ASB4: variants seen among roughly 807,000 people sequenced by gnomAD.
ASB4 encodes ankyrin repeat and SOCS box containing 4.
Under a neutral mutation model 38.6 loss-of-function variants are expected in ASB4, and 35 were observed. The observed-to-expected ratio is 0.91, with a 90% CI of 0.69 to 1.20. The LOEUF (loss-of-function observed/expected upper bound fraction) is 1.20, where lower values mean the gene tolerates loss of function less well. Ranked by LOEUF, ASB4 falls within the 50% of genes most tolerant of loss-of-function variation. ASB4 has a pLI of 0.00. For synonymous variants in ASB4, 195 were observed against 201.3 expected (o/e 0.97, Z 0.26); for missense variants, 557 against 527.2 (o/e 1.06, Z -0.55).
the ASB4 span, among the ~76,000 whole-genome samples, chr7:95,548,293 T>C: frequency 1.3e-5 from 2 of 152,250 alleles, no homozygotes; most frequent in Non-Finnish European, 2.9e-5. Flanking sequence ...GTACTTTTCA[T>C]TTGTATTTCT....
chr7:95,528,007 A>G lies in ASB4; in HGVS notation c.682A>G (p.Ser228Gly), dbSNP rs1790764816. Residue 228 changes from serine (S) to glycine (G), a missense_variant, in exon 3 of 5, where the codon AGC becomes GGC. Physicochemically the swap from Ser to Gly is moderately conservative, Grantham distance 56. Transcript: ENST00000325885. ...WALRFKEQEY[S>G]TEHHLVCRML... ...CCTCCGCTTTAAGGAGCAGGAGTAC[A>G]GCACGGAGCACCACCTGGTCTGCCG... The G allele has an allele frequency of 6.2e-7, 1 of 1,614,034 alleles. No individual in the cohort carries two copies. Among genetic ancestry groups the G allele is most frequent in the Non-Finnish European group, 8.5e-7 (1 of 1,180,042 alleles).
chr7:95,548,792 A>C, the ASB4 span, among the ~76,000 whole-genome samples: 1 of 152,064 alleles, frequency 6.6e-6, no homozygotes, highest in Non-Finnish European at 1.5e-5. Flanking sequence ...TCATTTTTTA[A>C]CTCTTATTTA....
At chr7:95,502,387 C>T (rs1376372840) in intron 2 of ASB4, among the ~76,000 whole-genome samples, 3 of 38,224 alleles carry the variant, frequency 7.8e-5, no homozygotes, top group African/African-American at 2.9e-4. Context: ...TAGGTACCAG[C>T]CTGCGGGGGG....
chr7:95,532,511 G>A (rs73711345), intron 3 of ASB4, among the ~76,000 whole-genome samples: 5,528 of 152,214 alleles, frequency 0.036, 321 homozygotes, highest in African/African-American at 0.12. Context: ...AAGGTAACAC[G>A]AGGGTCTGGG....
At chr7:95,502,497 T>C (rs1790355745) in intron 2 of ASB4, among the ~76,000 whole-genome samples, 1 of 152,146 alleles carries the variant, frequency 6.6e-6, no homozygotes, top group Non-Finnish European at 1.5e-5. Flanking sequence ...GAGACCATTT[T>C]ACCCAGGGCT....
chr7:95,474,957 G>A (rs1206139128), upstream of ASB4, among the ~76,000 whole-genome samples: 1 of 152,234 alleles, frequency 6.6e-6, no homozygotes, highest in African/African-American at 2.4e-5. Context: ...TAATTAAGGA[G>A]GAGGGATTCA....
the ASB4 span, among the ~76,000 whole-genome samples, chr7:95,548,945 A>AT: frequency 6.6e-6 from 1 of 152,194 alleles, no homozygotes; most frequent in African/African-American, 2.4e-5. Context: ...AGATTATGCA[A>AT]TTGCCTAGGA....
intron 2 of ASB4, among the ~76,000 whole-genome samples, chr7:95,523,148 A>T (rs1790686356): frequency 6.6e-6 from 1 of 152,208 alleles, no homozygotes; most frequent in South Asian, 2.1e-4. Context: ...ATCAAATTTT[A>T]AACATTTTTT....
chr7:95,500,393 C>T (rs1471900101), intron 2 of ASB4, among the ~76,000 whole-genome samples: 1 of 151,480 alleles, frequency 6.6e-6, no homozygotes, highest in Non-Finnish European at 1.5e-5. Flanking sequence ...ATAGTGAGAC[C>T]ACATCTTTAC....
At chr7:95,515,235 CT>C (rs1449332717) in intron 2 of ASB4, among the ~76,000 whole-genome samples, 19 of 75,466 alleles carry the variant, frequency 2.5e-4, no homozygotes, top group South Asian at 4.8e-4. Context: ...CTTTCTTTTT[CT>C]TTCTTTCTTT....
At chr7:95,479,342 A>G (rs1169298241) in intron 1 of ASB4, among the ~76,000 whole-genome samples, 1 of 152,186 alleles carries the variant, frequency 6.6e-6, no homozygotes, top group Non-Finnish European at 1.5e-5. Flanking sequence ...CTCTCCTATA[A>G]TGCTTCACAA....
chr7:95,509,618 A>C (rs948676742), intron 2 of ASB4, among the ~76,000 whole-genome samples: 1 of 152,226 alleles, frequency 6.6e-6, no homozygotes, highest in African/African-American at 2.4e-5. Context: ...AATAAGGATA[A>C]ATGCTTAATG....
At chr7:95,520,827 T>A (rs1277662451) in intron 2 of ASB4, among the ~76,000 whole-genome samples, 1 of 152,212 alleles carries the variant, frequency 6.6e-6, no homozygotes, top group East Asian at 1.9e-4. Context: ...TCCAGTTTTC[T>A]CTTTATGCAT....
chr7:95,544,067 C>T (rs1791003730), downstream of ASB4: 1 of 151,984 alleles, frequency 6.6e-6, no homozygotes, highest in Admixed American at 6.5e-5. Flanking sequence ...ACTAATTAAC[C>T]CTCCCTTCTC....
intron 1 of ASB4, chr7:95,478,704 C>G (rs953809288): frequency 6.6e-6 from 1 of 152,162 alleles, no homozygotes; most frequent in Non-Finnish European, 1.5e-5. Flanking sequence ...ATAATTACTT[C>G]AGCATTCCAA....
At chr7:95,516,108 C>T (rs1334975654) in intron 2 of ASB4, among the ~76,000 whole-genome samples, 2 of 152,122 alleles carry the variant, frequency 1.3e-5, no homozygotes, top group Non-Finnish European at 2.9e-5. Flanking sequence ...ATCACTTTAT[C>T]CAAACTTGTA....
chr7:95,486,199 G>T (rs753065529), intron 1 of ASB4, 41 bp downstream of exon 1: 2 of 1,528,994 alleles, frequency 1.3e-6, no homozygotes, highest in Admixed American at 1.9e-5. Flanking sequence ...GTTAGAAAAT[G>T]ATTTAAAAAA....
chr7:95,485,883 G>A (rs1380093124), upstream of ASB4: 106 of 1,165,634 alleles, frequency 9.1e-5, no homozygotes, highest in East Asian at 2.4e-3. Flanking sequence ...AAAATTAGCC[G>A]ACAGTTTGTG....
chr7:95,496,268 TTCATTTAC>T, intron 2 of ASB4: 1 of 486,192 alleles, frequency 2.1e-6, no homozygotes, highest in East Asian at 3.0e-5. Flanking sequence ...AGGAAGTTCA[TTCATTTAC>T]TCATTTACTT....
Sources: gnomAD v4.1 joint callset for allele counts (sites outside exome capture counted in the v4.1 genomes callset) on GRCh38, gnomAD v4.1.1 for gene constraint, MANE v1.5 for transcripts, NCBI Gene and HGNC (gene_info 2026-07-23, HGNC 2026-07-21) for gene names.